Variants in PRKCB observed in about 807,000 individuals in gnomAD.
PRKCB encodes the protein protein kinase C beta, also known as protein kinase C beta type.
PRKCB carries 13 observed loss-of-function variants against 81.5 expected under a neutral mutation model. That is an observed-to-expected ratio of 0.16 (90% confidence interval 0.10 to 0.25). The LOEUF (loss-of-function observed/expected upper bound fraction) is 0.25. PRKCB is among the 10% of genes least tolerant of loss of function. The pLI is 1.00. For missense variants in PRKCB, 509 were observed against 875.7 expected (o/e 0.58, Z 5.29); for synonymous variants, 335 against 321.4 (o/e 1.04, Z -0.45).
chr16:24,074,271 C>T (rs34083339), intron 5 of PRKCB, among the ~76,000 whole-genome samples: 26,115 of 152,184 alleles, frequency 0.17, 2,648 homozygotes, highest in East Asian at 0.27. Context: ...ATGGATCTTC[C>T]GAGGCACTGT....
At chr16:23,926,066 G>C (rs1230628025) in intron 2 of PRKCB, among the ~76,000 whole-genome samples, 1 of 151,914 alleles carries the variant, frequency 6.6e-6, no homozygotes, top group Non-Finnish European at 1.5e-5. Flanking sequence ...CTTGAGCCCA[G>C]GAGTTTGAAA....
At chr16:24,078,862 G>A (rs1187282791) in intron 5 of PRKCB, among the ~76,000 whole-genome samples, 1 of 152,150 alleles carries the variant, frequency 6.6e-6, no homozygotes, top group East Asian at 1.9e-4. Context: ...GTAGAAAATA[G>A]TTGACACTAA....
At position 23,906,537 on chromosome 16, in the gene PRKCB, C is replaced by G. The variant is rs545327154; in HGVS notation, c.205+69131C>G. ...ATTCCTCAGTAGTCAATTTATGAGT[C>G]TTTTCTTCCACATATTCTACATTTT... On this transcript the variant is annotated intron_variant, in intron 2 of 16. Coordinates refer to ENST00000643927, the MANE Select transcript of PRKCB (RefSeq NM_002738.7). Among the ~76,000 whole-genome samples, 3 of 152,186 alleles carry G rather than the reference C, an allele frequency of 2.0e-5. No individual in the cohort carries two copies. The East Asian group carries it at 5.8e-4, about 29-fold the overall frequency.
At chr16:24,169,975 T>C (rs1394763438) in intron 10 of PRKCB, among the ~76,000 whole-genome samples, 1 of 152,160 alleles carries the variant, frequency 6.6e-6, no homozygotes, top group Admixed American at 6.5e-5. Context: ...AGAGACAGGG[T>C]TTCACTATGT....
rs771532641 is a variant in PRKCB, at chr16:24,094,347, C to T, written c.821+50C>T. 2.9e-5 allele frequency: 47 copies of T among 1,594,040 alleles called. No individual in the cohort carries two copies. In the South Asian group the frequency reaches 4.5e-4, roughly 15 times the overall value. ...CTACCATACAGCTTGCTCCATCAAACGCGGGGTCAAGTATGTTTTCCTTTT... is the reference window on the plus strand; with the variant it reads ...CTACCATACAGCTTGCTCCATCAAATGCGGGGTCAAGTATGTTTTCCTTTT... On this transcript the variant is annotated intron_variant, in intron 7 of 16. Transcript: ENST00000643927.
chr16:24,001,090 T>C (rs73540970), intron 3 of PRKCB, among the ~76,000 whole-genome samples: 1,592 of 152,070 alleles, frequency 0.01, 28 homozygotes, highest in African/African-American at 0.036. Flanking sequence ...TTTAAAATCA[T>C]TATTAATGTC....
At chr16:23,923,679 T>A (rs1963857695) in intron 2 of PRKCB, among the ~76,000 whole-genome samples, 1 of 152,124 alleles carries the variant, frequency 6.6e-6, no homozygotes, top group Non-Finnish European at 1.5e-5. Context: ...ACTAACATGC[T>A]ACCCCCAAAA....
intron 5 of PRKCB, among the ~76,000 whole-genome samples, chr16:24,085,108 G>C (rs1239456820): frequency 1.3e-5 from 2 of 150,994 alleles, no homozygotes; most frequent in East Asian, 1.9e-4. Flanking sequence ...GATGGACCAG[G>C]GGAAAGGAAA....
intron 5 of PRKCB, among the ~76,000 whole-genome samples, chr16:24,067,941 CA>C (rs912993889): frequency 0.15 from 11,250 of 76,974 alleles, 659 homozygotes; most frequent in African/African-American, 0.25. Flanking sequence ...GACTCCGTCT[CA>C]AAAAAAAAAA....
intron 10 of PRKCB, among the ~76,000 whole-genome samples, chr16:24,163,319 C>T (rs1487318122): frequency 6.6e-6 from 1 of 152,158 alleles, no homozygotes; most frequent in Non-Finnish European, 1.5e-5. Context: ...ATCATTGCCT[C>T]CCAGGGGAGG....
intron 3 of PRKCB, among the ~76,000 whole-genome samples, chr16:23,989,303 TC>T (rs1187294455): frequency 6.6e-6 from 1 of 152,144 alleles, no homozygotes; most frequent in Non-Finnish European, 1.5e-5. Flanking sequence ...CAGGCTGGTC[TC>T]AAATTCCTGG....
chr16:24,009,591 AT>A (rs143129853), intron 3 of PRKCB, among the ~76,000 whole-genome samples: 23 of 148,172 alleles, frequency 1.6e-4, no homozygotes, highest in South Asian at 2.1e-4. Context: ...CGCCCGGCCT[AT>A]TTTTTTTTTT....
chr16:23,924,506 C>G (rs535813689), intron 2 of PRKCB, among the ~76,000 whole-genome samples: 26 of 152,034 alleles, frequency 1.7e-4, no homozygotes, highest in Non-Finnish European at 3.1e-4. Flanking sequence ...CTGAACTTCT[C>G]TATTTCTGTG....
At chr16:24,112,758 T>C (rs770180458) in intron 7 of PRKCB, among the ~76,000 whole-genome samples, 6 of 152,128 alleles carry the variant, frequency 3.9e-5, no homozygotes, top group Non-Finnish European at 8.8e-5. Flanking sequence ...CTGCTGTCCA[T>C]GGAAGAGTTA....
intron 2 of PRKCB, among the ~76,000 whole-genome samples, chr16:23,982,094 CCTT>C (rs1964734728): frequency 1.7e-5 from 1 of 60,366 alleles, no homozygotes; most frequent in East Asian, 4.3e-4. Flanking sequence ...CCTTCCCTTT[CCTT>C]TTCCCTTCCC....
intron 2 of PRKCB, among the ~76,000 whole-genome samples, chr16:23,960,523 A>G (rs1964411984): frequency 6.6e-6 from 1 of 151,948 alleles, no homozygotes; most frequent in Admixed American, 6.6e-5. Context: ...CAGATTTGTT[A>G]CATAGGTAAA....
chr16:23,888,524 G>T (rs1963239567), intron 2 of PRKCB, among the ~76,000 whole-genome samples: 1 of 152,168 alleles, frequency 6.6e-6, no homozygotes, highest in Admixed American at 6.5e-5. Context: ...CAAGCAAAAG[G>T]GTGCTTGGTA....
rs554460533 is a variant in PRKCB at position 23,865,300 on chromosome 16, T to G, written c.205+27894T>G. 2.2e-5 allele frequency among the ~76,000 whole-genome samples: 3 copies of G among 138,356 alleles called. No individual in the cohort carries two copies. The South Asian group carries it at 7.0e-4, about 32-fold the overall frequency. The allele number at this position is 138,356 out of a possible 152,430, so 90.8% of individuals were successfully genotyped here. A position where few individuals can be genotyped will look rare whatever the true frequency, so the allele number is the denominator to read the frequency against. On this transcript the variant is annotated intron_variant, in intron 2 of 16. Transcript: ENST00000643927. ...GTGTGTGTGTGTGTGTGTGTGGTTT[T>G]TTGTTTGTTTGTTTGTTTTTTGGAC... is the stretch of plus-strand genomic sequence containing the variant.
At chr16:24,160,851 A>G (rs1289837410) in intron 10 of PRKCB, among the ~76,000 whole-genome samples, 1 of 152,150 alleles carries the variant, frequency 6.6e-6, no homozygotes, top group African/African-American at 2.4e-5. Flanking sequence ...GCATGTGGCT[A>G]TCTGGGGGCA....
Sources: gnomAD v4.1 joint callset for allele counts (sites outside exome capture counted in the v4.1 genomes callset) on GRCh38, gnomAD v4.1.1 for gene constraint, MANE v1.5 for transcripts, NCBI Gene and HGNC (gene_info 2026-07-23, HGNC 2026-07-21) for gene names.